Variants in COLEC12 observed in about 807,000 individuals in gnomAD.
The protein encoded by COLEC12 is collectin-12.
In COLEC12, 33 loss-of-function variants were observed where a neutral mutation model predicts 71.1. The observed-to-expected ratio is 0.46, with a 90% confidence interval of 0.35 to 0.62. COLEC12 has a LOEUF of 0.62. COLEC12 is among the 20% of genes least tolerant of loss of function. The pLI, the probability that COLEC12 is intolerant of heterozygous loss-of-function variation, is 0.00. For synonymous variants in COLEC12, 350 were observed against 353.0 expected (o/e 0.99, Z 0.10); for missense variants, 765 against 916.1 (o/e 0.84, Z 2.13).
chr18:392,138 C>T (rs1598349091), intron 2 of COLEC12, among the ~76,000 whole-genome samples: 1 of 152,296 alleles, frequency 6.6e-6, no homozygotes, highest in East Asian at 1.9e-4. Context: ...GCATTCTTGC[C>T]AATCAAATGG....
Position 379,503 on chromosome 18 carries a change from T to C in COLEC12, c.59-21981A>G, listed in dbSNP as rs1033894836. Among the ~76,000 whole-genome samples, 13 of 151,732 alleles carry C rather than the reference T, an allele frequency of 8.6e-5. No homozygotes were observed. The East Asian group carries it at 2.1e-3, about 25-fold the overall frequency. Reference sequence around the variant, plus strand: ...CATGCAACTAAAAGTTTTGGAAAAGTGAAGAAAATAGAGGAGAATGACAAA... The same window carrying C: ...CATGCAACTAAAAGTTTTGGAAAAGCGAAGAAAATAGAGGAGAATGACAAA... On this transcript the variant is annotated intron_variant, in intron 2 of 9. Coordinates refer to ENST00000400256, the MANE Select transcript of COLEC12 (RefSeq NM_130386.3).
intron 2 of COLEC12, among the ~76,000 whole-genome samples, chr18:440,993 A>C (rs1022736028): frequency 2.0e-4 from 31 of 152,006 alleles, no homozygotes; most frequent in African/African-American, 5.1e-4. Context: ...TCACGCCTGT[A>C]ATCCCAGCAC....
intron 2 of COLEC12, among the ~76,000 whole-genome samples, chr18:470,220 ATTTTTTTTTTT>A (rs71174234): frequency 1.2e-4 from 11 of 92,382 alleles, no homozygotes; most frequent in East Asian, 7.7e-4. Context: ...AGGCCAGGAA[ATTTTTTTTTTT>A]TTTTTTTTTT....
intron 2 of COLEC12, among the ~76,000 whole-genome samples, chr18:402,426 TCTC>T (rs1354073996): frequency 2.6e-5 from 4 of 151,950 alleles, no homozygotes. Context: ...CAGACCCTAT[TCTC>T]CTGCCTCAGC....
chr18:436,798 C>T (rs1366186302), intron 2 of COLEC12, among the ~76,000 whole-genome samples: 1 of 152,056 alleles, frequency 6.6e-6, no homozygotes, highest in Non-Finnish European at 1.5e-5. Context: ...TCCTCTACCA[C>T]CAGCTGCCAA....
chr18:346,265 T>G lies in COLEC12; in HGVS notation c.1327+30A>C. 2 of 1,506,378 alleles carry G rather than the reference T, an allele frequency of 1.3e-6. No homozygotes were observed. Among genetic ancestry groups the G allele is most frequent in the East Asian group, 4.5e-5 (2 of 44,174 alleles). The allele number at this position is 1,506,378 out of a possible 1,614,324, so 93.3% of individuals were successfully genotyped here. On this transcript the variant is annotated intron_variant, in intron 5 of 9. Coordinates refer to ENST00000400256, the MANE Select transcript of COLEC12 (RefSeq NM_130386.3). This position sits in a 1 kb window ranked among gnomAD's most constrained non-coding sequence, Gnocchi z 4.0. ...TTGTTATGCAGCAATAAACAACTAA[T>G]ACAAATACAAATTCAGAATTTTGAC...
chr18:358,966 A>C (rs528065880), intron 2 of COLEC12, among the ~76,000 whole-genome samples: 29 of 152,374 alleles, frequency 1.9e-4, no homozygotes, highest in African/African-American at 7.0e-4. Flanking sequence ...ACATGACTGT[A>C]GTTTCAAATC....
rs1386955190 is a variant in COLEC12, at chr18:347,129, T to C, written c.493A>G (p.Thr165Ala). 6.2e-7 allele frequency: 1 copy of C among 1,614,078 alleles called. No homozygotes were observed. The highest frequency in any genetic ancestry group is 8.5e-7 in the Non-Finnish European group (1 of 1,180,042). The change falls in exon 5 of 10, where the codon ACC becomes GCC. Residue 165 changes from threonine (T) to alanine (A), a missense_variant. By Grantham distance (58) the Thr-to-Ala change is moderately conservative (BLOSUM62 0). Coordinates refer to ENST00000400256, the MANE Select transcript of COLEC12 (RefSeq NM_130386.3). The stretch of plus-strand genomic sequence containing the variant: ...GCCTGGAGGGTTTTGTTTACAGTGG[T>C]GATGAGGAAAGAGTTATTCTCCAAA... ...ETLENNSFLI[T>A]TVNKTLQAYN...
At chr18:447,107 A>G (rs1320191543) in intron 2 of COLEC12, among the ~76,000 whole-genome samples, 1 of 152,268 alleles carries the variant, frequency 6.6e-6, no homozygotes, top group Non-Finnish European at 1.5e-5. Context: ...AGATAGTCAC[A>G]CGTGGAATCT....
chr18:340,086 A>AAC (rs1555613051), intron 5 of COLEC12, among the ~76,000 whole-genome samples: 2 of 150,890 alleles, frequency 1.3e-5, no homozygotes, highest in African/African-American at 4.8e-5. Flanking sequence ...AAAAAAAAAA[A>AAC]AAAAACAAAA....
chr18:389,992 TG>T (rs1297523753), intron 2 of COLEC12, among the ~76,000 whole-genome samples: 1 of 152,236 alleles, frequency 6.6e-6, no homozygotes, highest in African/African-American at 2.4e-5. Flanking sequence ...TTCTAATTTT[TG>T]TTCTAATCTA....
intron 2 of COLEC12, among the ~76,000 whole-genome samples, chr18:380,643 C>T (rs777146543): frequency 2.0e-4 from 30 of 152,152 alleles, no homozygotes; most frequent in Admixed American, 3.3e-4. Context: ...TCTTCTCCTG[C>T]ATCTCTAGGG....
chr18:412,824 A>G (rs550372376), intron 2 of COLEC12, among the ~76,000 whole-genome samples: 51 of 152,330 alleles, frequency 3.3e-4, no homozygotes, highest in African/African-American at 1.2e-3. Context: ...GGGACTCACT[A>G]GAAACCACTA....
chr18:457,214 T>C (rs1023150759), intron 2 of COLEC12, among the ~76,000 whole-genome samples: 18 of 152,198 alleles, frequency 1.2e-4, no homozygotes, highest in African/African-American at 4.1e-4. Context: ...ACTGGGATTA[T>C]GGACGCGAGC....
At chr18:475,960 C>T (rs1424618567) in intron 2 of COLEC12, among the ~76,000 whole-genome samples, 1 of 152,130 alleles carries the variant, frequency 6.6e-6, no homozygotes, top group Non-Finnish European at 1.5e-5. Context: ...ACCGTGTGGG[C>T]CAAACTGTTA....
intron 2 of COLEC12, among the ~76,000 whole-genome samples, chr18:435,002 CACA>C (rs369208457): frequency 2.5e-3 from 379 of 152,290 alleles, no homozygotes; most frequent in African/African-American, 8.6e-3. Flanking sequence ...TGCCTGTTAT[CACA>C]ACAACTTTCC....
intron 4 of COLEC12, 72 bp downstream of exon 4, chr18:347,993 C>T: frequency 9.9e-7 from 1 of 1,009,624 alleles, no homozygotes; most frequent in East Asian, 2.5e-5. Context: ...TTTATAGCAA[C>T]ATCATTCTAA....
chr18:460,703 C>T (rs897421085), intron 2 of COLEC12, among the ~76,000 whole-genome samples: 3 of 152,206 alleles, frequency 2.0e-5, no homozygotes, highest in African/African-American at 7.2e-5. Flanking sequence ...AATATTCACA[C>T]ATTAGCTGAA....
intron 2 of COLEC12, among the ~76,000 whole-genome samples, chr18:436,997 T>C (rs1052012181): frequency 6.6e-6 from 1 of 152,206 alleles, no homozygotes; most frequent in Non-Finnish European, 1.5e-5. Context: ...CACAATTACA[T>C]GAGCTAGGAG....
Sources: gnomAD v4.1 joint callset for allele counts (sites outside exome capture counted in the v4.1 genomes callset) on GRCh38, gnomAD v4.1.1 for gene constraint, Gnocchi (gnomAD v3.1) non-coding constraint, MANE v1.5 for transcripts, NCBI Gene and HGNC (gene_info 2026-07-23, HGNC 2026-07-21) for gene names.